The following RGS12 variants were observed in gnomAD, a reference collection of about 807,000 sequenced individuals.
RGS12 encodes regulator of G-protein signaling 12.
In RGS12, 66 loss-of-function variants were observed where a neutral mutation model predicts 120.1. The ratio of observed to expected loss-of-function variants is 0.55; its 90% confidence interval spans 0.45 to 0.67. The LOEUF is 0.67. Ranked by LOEUF, RGS12 falls within the 30% of genes least tolerant of loss-of-function variation. The pLI is 0.00. For missense variants in RGS12, 1,859 were observed against 1,957.7 expected, an observed-to-expected ratio of 0.95 and a Z score of 0.95; for synonymous variants, 827 against 804.7, an observed-to-expected ratio of 1.03 and a Z score of -0.47.
chr4:3,434,638 T>G lies in RGS12; in HGVS notation c.4114+3683T>G, dbSNP rs572558588. Among the ~76,000 whole-genome samples, 8 of 152,334 alleles carry G rather than the reference T, an allele frequency of 5.3e-5. No homozygotes were observed. In the South Asian group the frequency reaches 1.7e-3, roughly 32 times the overall value. ...CCTGCACAGAAGCAGACGTCTGCGCTTTGTGTTTTCACAAAGGAGAGAGGC... is the reference window on the plus strand; with the variant it reads ...CCTGCACAGAAGCAGACGTCTGCGCGTTGTGTTTTCACAAAGGAGAGAGGC... On this transcript the variant is annotated intron_variant, in intron 17 of 17. Transcript: ENST00000336727.
chr4:3,326,448 G>A (rs1169759181), intron 2 of RGS12, among the ~76,000 whole-genome samples: 1 of 152,144 alleles, frequency 6.6e-6, no homozygotes, highest in Non-Finnish European at 1.5e-5. Context: ...GAGTCTCACA[G>A]TGTAGCCCAG....
At chr4:3,376,748 G>T (rs894952791) in intron 3 of RGS12, among the ~76,000 whole-genome samples, 2 of 152,228 alleles carry the variant, frequency 1.3e-5, no homozygotes, top group South Asian at 4.1e-4. Context: ...CCCTGTGCTA[G>T]TGGAGCAGAG....
chr4:3,432,369 G>C (rs1724390970), intron 17 of RGS12: 1 of 198,730 alleles, frequency 5.0e-6, no homozygotes, highest in Non-Finnish European at 9.1e-6. Flanking sequence ...CAGCAGCACA[G>C]CTGTGCGGCG....
intron 4 of RGS12, among the ~76,000 whole-genome samples, chr4:3,399,618 T>C (rs1010881722): frequency 6.6e-6 from 1 of 152,212 alleles, no homozygotes; most frequent in African/African-American, 2.4e-5. Flanking sequence ...ATATAAATGA[T>C]CAAAGTTGGC....
chr4:3,376,869 C>T (rs1006795237), intron 3 of RGS12, among the ~76,000 whole-genome samples: 5 of 152,208 alleles, frequency 3.3e-5, no homozygotes, highest in African/African-American at 7.2e-5. Context: ...CTCCCAGATG[C>T]ACCTTTCCGA....
chr4:3,342,594 T>C (rs745476813), intron 2 of RGS12: 1 of 1,316,422 alleles, frequency 7.6e-7, no homozygotes, highest in East Asian at 4.8e-5. Flanking sequence ...GTGTCCACTT[T>C]CCAAGCACCC....
At chr4:3,347,761 A>G (rs1275235420) in intron 3 of RGS12, among the ~76,000 whole-genome samples, 4 of 152,216 alleles carry the variant, frequency 2.6e-5, no homozygotes. Flanking sequence ...AACAATGGAT[A>G]AGGAAAACAG....
At chr4:3,367,246 G>T (rs13133859) in intron 3 of RGS12, among the ~76,000 whole-genome samples, 5,680 of 152,376 alleles carry the variant, frequency 0.037, 152 homozygotes, top group South Asian at 0.091. Context: ...CCACACGGGG[G>T]CTTCGCCTTC....
chr4:3,343,104 C>T lies in RGS12; in HGVS notation c.1998+51C>T, dbSNP rs376828812. ...TTTCTCCTTCAAGTTTTAAAAAATG[C>T]AAGTCCACCTTGCAGATACGTCTGG... is the stretch of plus-strand genomic sequence containing the variant. On this transcript the variant is annotated intron_variant, in intron 3 of 17. Coordinates refer to ENST00000336727, the MANE Select transcript of RGS12 (RefSeq NM_001394154.1). 6 of 1,365,414 alleles carry T rather than the reference C, an allele frequency of 4.4e-6. No homozygotes were observed. The African/African-American group carries it at 7.1e-5, about 16-fold the overall frequency. The allele number at this position is 1,365,414 out of a possible 1,614,324, so 84.6% of individuals were successfully genotyped here.
intron 4 of RGS12, among the ~76,000 whole-genome samples, chr4:3,396,313 A>G (rs1017361483): frequency 3.9e-5 from 6 of 152,222 alleles, no homozygotes; most frequent in Non-Finnish European, 8.8e-5. Context: ...AATATAATCC[A>G]GTTTATCATT....
chr4:3,336,268 G>A (rs78554999), intron 2 of RGS12, among the ~76,000 whole-genome samples: 2 of 152,174 alleles, frequency 1.3e-5, no homozygotes, highest in African/African-American at 2.4e-5. Flanking sequence ...GCGGCTTCCC[G>A]AGGTTGCTAC....
intron 2 of RGS12, among the ~76,000 whole-genome samples, chr4:3,326,848 G>T (rs1313014448): frequency 1.3e-5 from 2 of 152,192 alleles, no homozygotes; most frequent in Admixed American, 6.5e-5. Flanking sequence ...CATATTCATG[G>T]ATTGGAATAA....
rs1456853806 is a variant in RGS12 at position 3,430,698 on chromosome 4, G to C, written c.3857G>C (p.Gly1286Ala). The change falls in exon 17 of 18, where the codon GGG becomes GCG. Residue 1286 changes from glycine (G) to alanine (A), a missense_variant. Transcript: ENST00000336727. ...GCCTCCAGCCCCCCTGGACCTCCTG[G>C]GACGACCCCCCCCGGGCAGAAGTCT... ...GSASSPPGPP[G>A]TTPPGQKSPS... 1 of 1,578,244 alleles carries C rather than the reference G, an allele frequency of 6.3e-7. No homozygotes were observed. The highest frequency in any genetic ancestry group is 8.6e-7 in the Non-Finnish European group (1 of 1,162,174).
chr4:3,421,584 C>G (rs1723022029), intron 10 of RGS12, among the ~76,000 whole-genome samples: 1 of 152,256 alleles, frequency 6.6e-6, no homozygotes, highest in South Asian at 2.1e-4. Flanking sequence ...CCCAGAGGCC[C>G]TCAGTTGCAT....
At chr4:3,423,801 A>G in intron 13 of RGS12, 160 bp downstream of exon 13, 1 of 865,844 alleles carries the variant, frequency 1.2e-6, no homozygotes, top group Non-Finnish European at 1.7e-6. Context: ...TGCCATCCCC[A>G]GTTCTCGTTC....
chr4:3,417,616 T>G (rs1722554542), intron 9 of RGS12, 75 bp downstream of exon 9: 1 of 1,538,102 alleles, frequency 6.5e-7, no homozygotes, highest in Non-Finnish European at 8.9e-7. Flanking sequence ...GCTCTGGTGG[T>G]TGGCGGTGAC....
chr4:3,298,872 G>C (rs1229209841), intron 1 of RGS12, among the ~76,000 whole-genome samples: 1 of 151,942 alleles, frequency 6.6e-6, no homozygotes, highest in African/African-American at 2.4e-5. Flanking sequence ...TTTGTTTATT[G>C]TGATCATACT....
At chr4:3,392,361 G>A (rs566337829) in intron 4 of RGS12, among the ~76,000 whole-genome samples, 13 of 152,326 alleles carry the variant, frequency 8.5e-5, no homozygotes, top group African/African-American at 3.1e-4. Flanking sequence ...TTTGGGATTT[G>A]TTGGGGTTCA....
upstream of RGS12, among the ~76,000 whole-genome samples, chr4:3,291,203 T>C (rs1211865429): frequency 6.6e-6 from 1 of 152,244 alleles, no homozygotes; most frequent in African/African-American, 2.4e-5. Flanking sequence ...GTCCCTGCCC[T>C]GGAGCCTCAG....
Sources: allele counts gnomAD v4.1 joint callset (sites outside exome capture counted in the v4.1 genomes callset), GRCh38; gene constraint gnomAD v4.1.1; transcripts MANE v1.5; gene names NCBI Gene and HGNC (gene_info 2026-07-23, HGNC 2026-07-21).